Variants in USP8 observed in about 807,000 individuals in gnomAD.
USP8 encodes the protein ubiquitin carboxyl-terminal hydrolase 8.
In USP8, 27 loss-of-function variants were observed where a neutral mutation model predicts 130.0. The ratio of observed to expected loss-of-function variants is 0.21; its 90% CI spans 0.15 to 0.29. USP8 has a LOEUF of 0.29. USP8 is among the 10% of genes least tolerant of loss of function. The pLI, the probability that USP8 is intolerant of heterozygous loss-of-function variation, is 1.00. For synonymous variants in USP8, 392 were observed against 444.1 expected, an observed-to-expected ratio of 0.88 and a Z score of 1.48; for missense variants, 1,029 against 1,312.2, an observed-to-expected ratio of 0.78 and a Z score of 3.33.
At position 50,477,510 on chromosome 15, in the gene USP8, G is replaced by C; in HGVS notation, c.1218+11G>C. 1 of 1,596,842 alleles carries C rather than the reference G, an allele frequency of 6.3e-7. No individual in the cohort carries two copies. The highest frequency in any genetic ancestry group is 8.5e-7 in the Non-Finnish European group (1 of 1,170,214). On this transcript the variant is annotated intron_variant, in intron 10 of 19. Coordinates refer to ENST00000307179, the MANE Select transcript of USP8 (RefSeq NM_005154.5). ...AAGAATGTTCCACAGGTATGTTCTT[G>C]ATTTTAACATTATTCTCGCTTTTGT...
rs1473044688 is a variant in USP8, at chr15:50,505,986, G to A, written c.*6898G>A. ...AAAACAAAAGATGCTGAAAACAGTA[G>A]TTCAGTGATCAGAATTACAGTGTTC... is the stretch of plus-strand genomic sequence containing the variant. On this transcript the variant is annotated 3_prime_UTR_variant, in exon 20 of 20. Transcript: ENST00000307179. 1 of 152,264 alleles carries A rather than the reference G, an allele frequency of 6.6e-6. No homozygotes were observed. Among genetic ancestry groups the A allele is most frequent in the Non-Finnish European group, 1.5e-5 (1 of 68,096 alleles). 9.4% of individuals were successfully genotyped at this position (152,264 alleles called of 1,614,324 possible). A position where few individuals can be genotyped will look rare whatever the true frequency, so the allele number is the denominator to read the frequency against.
At chr15:50,482,375 CTA>C (rs1290147165) in intron 11 of USP8, among the ~76,000 whole-genome samples, 1 of 152,128 alleles carries the variant, frequency 6.6e-6, no homozygotes, top group African/African-American at 2.4e-5. Context: ...CATGGGAAGA[CTA>C]GAGTGAAATA....
chr15:50,489,155 T>C (rs1012387793), intron 12 of USP8, among the ~76,000 whole-genome samples: 3 of 152,198 alleles, frequency 2.0e-5, no homozygotes, highest in Admixed American at 1.3e-4. Flanking sequence ...CTCAATATAT[T>C]GGCTTGTTTT....
At chr15:50,455,780 T>C (rs1234581276) in intron 4 of USP8, among the ~76,000 whole-genome samples, 1 of 152,190 alleles carries the variant, frequency 6.6e-6, no homozygotes, top group Non-Finnish European at 1.5e-5. Context: ...TTTTCAATTC[T>C]TCTAAACTTA....
intron 14 of USP8, among the ~76,000 whole-genome samples, chr15:50,491,400 A>G (rs576748365): frequency 3.3e-5 from 5 of 152,332 alleles, no homozygotes; most frequent in Non-Finnish European, 5.9e-5. Flanking sequence ...TAAAAATTCT[A>G]TTAATCTTGT....
chr15:50,429,040 G>A (rs1048189773), intron 1 of USP8, among the ~76,000 whole-genome samples: 1 of 152,186 alleles, frequency 6.6e-6, no homozygotes, highest in Admixed American at 6.5e-5. Context: ...CAGACTGGGC[G>A]AAGTGAGGTG....
chr15:50,462,290 A>G lies in USP8; in HGVS notation c.509A>G (p.Glu170Gly). The G allele has an allele frequency of 1.2e-6, 2 of 1,602,510 alleles. No individual in the cohort carries two copies. The highest frequency in any genetic ancestry group is 2.3e-5 in the South Asian group (2 of 87,654). ...TTTCCTATGCAATAGAGCAATGGTG[A>G]AAAGAATGAAAAATGTGAGACCAAA... is the stretch of plus-strand genomic sequence containing the variant. The part of the protein sequence containing the change: ...SKDKTQKSNG[E>G]KNEKCETKEK... The change falls in exon 6 of 20, where the codon GAA becomes GGA. Residue 170 changes from glutamate to glycine, a missense_variant. Glu to Gly is a moderately conservative substitution (Grantham distance 98). Transcript: ENST00000307179.
At chr15:50,492,611 G>C (rs1595984890) in intron 14 of USP8, 90 bp from the exon 15 acceptor site, 1 of 1,283,180 alleles carries the variant, frequency 7.8e-7, no homozygotes, top group African/African-American at 1.5e-5. Context: ...CTGTGGTACA[G>C]GTGCTACAGT....
At chr15:50,452,318 T>A (rs1440970323) in intron 4 of USP8, among the ~76,000 whole-genome samples, 2 of 152,080 alleles carry the variant, frequency 1.3e-5, no homozygotes, top group African/African-American at 4.8e-5. Context: ...GTAAAAGGGA[T>A]TAAGTGGGTA....
intron 4 of USP8, 52 bp downstream of exon 4, chr15:50,449,537 A>G (rs1387888073): frequency 7.8e-7 from 1 of 1,274,852 alleles, no homozygotes; most frequent in Admixed American, 2.8e-5. Context: ...AGATAAAAAT[A>G]ATATTTAAGA....
At chr15:50,453,949 G>A (rs1172618888) in intron 4 of USP8, among the ~76,000 whole-genome samples, 2 of 124,862 alleles carry the variant, frequency 1.6e-5, no homozygotes, top group Non-Finnish European at 3.2e-5. Flanking sequence ...TGCAACTCCC[G>A]CCCCCAGGTT....
chr15:50,435,409 GA>G (rs2050065604), intron 1 of USP8, among the ~76,000 whole-genome samples: 3 of 152,094 alleles, frequency 2.0e-5, no homozygotes, highest in African/African-American at 7.2e-5. Context: ...GTAATCTTGA[GA>G]TGATTTAAAG....
chr15:50,467,707 C>T (rs977868033), intron 7 of USP8, among the ~76,000 whole-genome samples: 59 of 151,918 alleles, frequency 3.9e-4, no homozygotes, highest in Non-Finnish European at 1.0e-4. Context: ...AGGCACATGC[C>T]ACCATGCCCA....
Position 50,440,731 on chromosome 15 carries a change from G to T in USP8, c.105-618G>T, listed in dbSNP as rs564300077. On this transcript the variant is annotated intron_variant, in intron 2 of 19. Coordinates refer to ENST00000307179, the MANE Select transcript of USP8 (RefSeq NM_005154.5). ...AGAATGCGCAACCTTGGCTAGGCGC[G>T]GTGGCTCATGCCTGTAATCCGAGCA... Among the ~76,000 whole-genome samples, 5 of 152,122 alleles carry T rather than the reference G, an allele frequency of 3.3e-5. No individual in the cohort carries two copies. The East Asian group carries it at 9.7e-4, about 29-fold the overall frequency.
chr15:50,493,253 C>T (rs1208923419), intron 15 of USP8: 2 of 513,710 alleles, frequency 3.9e-6, no homozygotes, highest in East Asian at 1.0e-4. Flanking sequence ...TCTCTTAATC[C>T]TGTCACATTG....
intron 17 of USP8, among the ~76,000 whole-genome samples, chr15:50,496,557 T>TAGAA (rs2052419531): frequency 6.6e-6 from 1 of 151,988 alleles, no homozygotes; most frequent in Admixed American, 6.6e-5. Context: ...CTATGTAGAT[T>TAGAA]AGAAAGAATT....
chr15:50,498,568 AGT>A, intron 18 of USP8, 26 bp from the exon 19 acceptor site: 1 of 1,576,340 alleles, frequency 6.3e-7, no homozygotes, highest in Non-Finnish European at 8.6e-7. Context: ...TTCCTCTGTC[AGT>A]GTAATTGTAA....
chr15:50,476,220 A>G (rs377210656), intron 8 of USP8, among the ~76,000 whole-genome samples: 1 of 152,176 alleles, frequency 6.6e-6, no homozygotes. Context: ...ACTTAAGCCC[A>G]GGAGTTCGAG....
At chr15:50,490,209 T>A in intron 13 of USP8, 54 bp from the exon 14 acceptor site, 2 of 1,521,612 alleles carry the variant, frequency 1.3e-6, no homozygotes, top group Non-Finnish European at 1.8e-6. Context: ...TCTTTGTTTA[T>A]ATAATGCTTA....
Sources: allele counts gnomAD v4.1 joint callset (sites outside exome capture counted in the v4.1 genomes callset), GRCh38; gene constraint gnomAD v4.1.1; transcripts MANE v1.5; gene names NCBI Gene and HGNC (gene_info 2026-07-23, HGNC 2026-07-21).